CLASP1: variants seen among roughly 807,000 people sequenced by gnomAD.
CLASP1 encodes the protein cytoplasmic linker associated protein 1, also known as CLIP-associating protein 1.
In CLASP1, 38 loss-of-function variants were observed where a neutral mutation model predicts 192.3. The ratio of observed to expected loss-of-function variants is 0.20; its 90% confidence interval spans 0.15 to 0.26. The LOEUF (loss-of-function observed/expected upper bound fraction) is 0.26, where lower values mean the gene tolerates loss of function less well. Ranked by LOEUF, CLASP1 falls within the 10% of genes least tolerant of loss-of-function variation. The pLI, the probability that CLASP1 is intolerant of heterozygous loss-of-function variation, is 1.00. For synonymous variants in CLASP1, 691 were observed against 712.8 expected (o/e 0.97, Z 0.49); for missense variants, 1,433 against 1,932.5 (o/e 0.74, Z 4.85).
intron 14 of CLASP1, among the ~76,000 whole-genome samples, chr2:121,456,492 A>G (rs1276616287): frequency 6.6e-6 from 1 of 151,606 alleles, no homozygotes; most frequent in Non-Finnish European, 1.5e-5. Context: ...CAATAAAGGA[A>G]GAAAGGCAAG....
chr2:121,400,527 CT>C (rs1398191575), intron 28 of CLASP1, among the ~76,000 whole-genome samples: 1 of 152,236 alleles, frequency 6.6e-6, no homozygotes, highest in African/African-American at 2.4e-5. Context: ...TACCACCCCC[CT>C]GCCCCCACAG....
At chr2:121,355,525 T>A (rs1194749979) in intron 37 of CLASP1, among the ~76,000 whole-genome samples, 1 of 152,204 alleles carries the variant, frequency 6.6e-6, no homozygotes, top group Non-Finnish European at 1.5e-5. Flanking sequence ...TTTGAGGCCC[T>A]CTTTTTCACT....
At chr2:121,423,749 C>T (rs1221138702) in intron 22 of CLASP1, among the ~76,000 whole-genome samples, 1 of 152,184 alleles carries the variant, frequency 6.6e-6, no homozygotes, top group Non-Finnish European at 1.5e-5. Flanking sequence ...GCTAAGAGAC[C>T]ACACTACGCA....
intron 1 of CLASP1, among the ~76,000 whole-genome samples, chr2:121,646,812 C>T (rs376874255): frequency 2.6e-5 from 4 of 151,544 alleles, no homozygotes; most frequent in Non-Finnish European, 4.4e-5. Context: ...CTGAGGCAGG[C>T]GGATCATGAG....
intron 2 of CLASP1, among the ~76,000 whole-genome samples, chr2:121,580,211 C>T (rs1032150100): frequency 1.3e-5 from 2 of 152,170 alleles, no homozygotes; most frequent in Admixed American, 1.3e-4. Flanking sequence ...GTGATCTTCC[C>T]TAATTTCAGA....
At position 121,585,006 on chromosome 2, in the gene CLASP1, C is replaced by T. The variant is rs147141924; in HGVS notation, c.195+20695G>A. 8.5e-5 allele frequency among the ~76,000 whole-genome samples: 13 copies of T among 152,292 alleles called. No homozygotes were observed. The East Asian group carries it at 2.1e-3, about 25-fold the overall frequency. On this transcript the variant is annotated intron_variant, in intron 2 of 39. Coordinates refer to ENST00000263710, the Ensembl canonical transcript of CLASP1. ...TTACTGTATGTCAGCACTTACGATA[C>T]GTCAACCACTTTCTACACATGAACT...
chr2:121,394,049 C>G (rs1220183015), intron 30 of CLASP1, among the ~76,000 whole-genome samples: 1 of 152,052 alleles, frequency 6.6e-6, no homozygotes, highest in East Asian at 1.9e-4. Flanking sequence ...ACACTAAAGC[C>G]CTGGTAGTCA....
At chr2:121,560,215 A>G (rs947913120) in intron 2 of CLASP1, among the ~76,000 whole-genome samples, 1 of 152,234 alleles carries the variant, frequency 6.6e-6, no homozygotes, top group Admixed American at 6.5e-5. Context: ...CAGCTACAGG[A>G]AAGAATAATT....
At chr2:121,566,049 C>T (rs1428872958) in intron 2 of CLASP1, among the ~76,000 whole-genome samples, 2 of 152,182 alleles carry the variant, frequency 1.3e-5, no homozygotes, top group Non-Finnish European at 2.9e-5. Flanking sequence ...AGCTGTGAGT[C>T]CTATTAATGG....
intron 2 of CLASP1, among the ~76,000 whole-genome samples, chr2:121,604,541 G>A (rs374897482): frequency 1.3e-5 from 2 of 152,104 alleles, no homozygotes; most frequent in Non-Finnish European, 2.9e-5. Flanking sequence ...GGTGGCGCAC[G>A]TCTGTAGTCC....
At chr2:121,530,591 TGGA>T in intron 2 of CLASP1, 1 of 527,618 alleles carries the variant, frequency 1.9e-6, no homozygotes, top group Non-Finnish European at 3.4e-6. Flanking sequence ...TAGCTGCGGG[TGGA>T]GTTCAAGAGC....
At chr2:121,621,942 G>A (rs1477141090) in intron 1 of CLASP1, among the ~76,000 whole-genome samples, 1 of 152,094 alleles carries the variant, frequency 6.6e-6, no homozygotes, top group African/African-American at 2.4e-5. Context: ...TTGCCTCCCA[G>A]GTTCAAGCAA....
intron 37 of CLASP1, among the ~76,000 whole-genome samples, chr2:121,352,750 T>A (rs557666228): frequency 6.6e-6 from 1 of 152,222 alleles, no homozygotes; most frequent in South Asian, 2.1e-4. Context: ...TGCTTCTGGG[T>A]TCAAGCGATT....
intron 6 of CLASP1, among the ~76,000 whole-genome samples, chr2:121,521,269 C>A (rs922638438): frequency 6.6e-6 from 1 of 152,124 alleles, no homozygotes; most frequent in Admixed American, 6.5e-5. Flanking sequence ...CTGGCCTTGT[C>A]GAATGAGCTG....
At chr2:121,577,006 C>T (rs891487548) in intron 2 of CLASP1, among the ~76,000 whole-genome samples, 4 of 151,954 alleles carry the variant, frequency 2.6e-5, no homozygotes, top group African/African-American at 9.7e-5. Context: ...ATAATGGTAC[C>T]ATGGTTATTT....
intron 35 of CLASP1, among the ~76,000 whole-genome samples, chr2:121,366,354 T>A (rs2067406554): frequency 6.6e-6 from 1 of 152,256 alleles, no homozygotes; most frequent in African/African-American, 2.4e-5. Flanking sequence ...GAGTCTGAGA[T>A]GCTACCCACC....
intron 7 of CLASP1, among the ~76,000 whole-genome samples, chr2:121,514,284 C>A (rs1399333060): frequency 6.6e-6 from 1 of 152,224 alleles, no homozygotes; most frequent in African/African-American, 2.4e-5. Flanking sequence ...GCCATCCCTG[C>A]AGCAGGGCAG....
intron 20 of CLASP1, among the ~76,000 whole-genome samples, chr2:121,428,946 A>C (rs2149630917): frequency 6.6e-6 from 1 of 152,280 alleles, no homozygotes. Flanking sequence ...TAAAAGACTC[A>C]CCCAACATCA....
At chr2:121,467,205 A>G (rs1270242924) in intron 9 of CLASP1, among the ~76,000 whole-genome samples, 3 of 152,210 alleles carry the variant, frequency 2.0e-5, no homozygotes, top group Non-Finnish European at 2.9e-5. Flanking sequence ...TATCCAGTCT[A>G]TCATTGATGG....
Sources: allele counts gnomAD v4.1 joint callset (sites outside exome capture counted in the v4.1 genomes callset), GRCh38; gene constraint gnomAD v4.1.1; transcripts MANE v1.5; gene names NCBI Gene and HGNC (gene_info 2026-07-23, HGNC 2026-07-21).